ZFHX3: variants seen among roughly 807,000 people sequenced by gnomAD.
ZFHX3 encodes zinc finger homeobox 3, also known as zinc finger homeobox protein 3.
A neutral mutation model predicts 279.1 loss-of-function variants in ZFHX3; 42 were observed. That is an observed-to-expected ratio of 0.15 (90% CI 0.12 to 0.19). The LOEUF is 0.19. ZFHX3 is among the 10% of genes least tolerant of loss of function. The pLI, the probability that ZFHX3 is intolerant of heterozygous loss-of-function variation, is 1.00. For missense variants in ZFHX3, 4,981 were observed against 4,754.0 expected, an observed-to-expected ratio of 1.05 and a Z score of -1.40; for synonymous variants, 2,293 against 1,957.8, an observed-to-expected ratio of 1.17 and a Z score of -4.52.
At chr16:72,899,197 C>T (rs1210884762) in intron 3 of ZFHX3, among the ~76,000 whole-genome samples, 3 of 152,208 alleles carry the variant, frequency 2.0e-5, no homozygotes, top group South Asian at 4.1e-4. Context: ...GCTGTGTCCC[C>T]ACGCAAATCT....
intron 2 of ZFHX3, among the ~76,000 whole-genome samples, chr16:73,490,999 T>C (rs528020532): frequency 6.6e-6 from 1 of 152,366 alleles, no homozygotes; most frequent in African/African-American, 2.4e-5. Flanking sequence ...TTTTTATATA[T>C]GGTTGCCATA....
At chr16:72,988,982 C>G (rs1010147936) in intron 1 of ZFHX3, among the ~76,000 whole-genome samples, 5 of 151,990 alleles carry the variant, frequency 3.3e-5, no homozygotes, top group African/African-American at 4.8e-5. Context: ...TTGAGACCAG[C>G]CTGGACAACA....
At chr16:73,556,011 G>A (rs1198493841) in intron 2 of ZFHX3, among the ~76,000 whole-genome samples, 1 of 152,178 alleles carries the variant, frequency 6.6e-6, no homozygotes, top group African/African-American at 2.4e-5. Context: ...CAGACACAGT[G>A]TTTTCTGTGA....
In ZFHX3 at chr16:73,626,577, T is replaced by C. The variant is rs544508681; in HGVS notation, c.-1547+53603A>G. 2.5e-4 allele frequency among the ~76,000 whole-genome samples: 38 copies of C among 152,314 alleles called. No individual in the cohort carries two copies. The South Asian group carries it at 7.7e-3, about 31-fold the overall frequency. On this transcript the variant is annotated intron_variant, in intron 2 of 17. Transcript: ENST00000641206. ...AAGAACTCAGTGATGTGAGATGATA[T>C]CCACCTAGAAGACCTAGCCATAGGA...
chr16:73,065,208 G>T (rs1479087765), intron 8 of ZFHX3, among the ~76,000 whole-genome samples: 1 of 152,224 alleles, frequency 6.6e-6, no homozygotes, highest in Non-Finnish European at 1.5e-5. Flanking sequence ...TCCTGGGCCA[G>T]CGCCGGGAGA....
rs564339935 is a variant in ZFHX3 at position 73,412,027 on chromosome 16, C to T, written c.-1291+43976G>A. Among the ~76,000 whole-genome samples, 402 of 152,234 alleles carry T rather than the reference C, an allele frequency of 2.6e-3. 2 individuals carry two copies. The highest frequency in any genetic ancestry group is 4.6e-3 in the Non-Finnish European group (316 of 68,010). ...AGATAGGCAGTCTTCCAAAGACTTT[C>T]CAATAAAAATAAATATCAGCCAGGA... On this transcript the variant is annotated intron_variant, in intron 3 of 17. Transcript: ENST00000641206.
At chr16:73,215,403 G>C (rs979102596) in intron 5 of ZFHX3, among the ~76,000 whole-genome samples, 3 of 152,218 alleles carry the variant, frequency 2.0e-5, no homozygotes, top group Non-Finnish European at 4.4e-5. Flanking sequence ...CACAGCTGCA[G>C]TTTTGCCAAT....
intron 2 of ZFHX3, among the ~76,000 whole-genome samples, chr16:73,497,542 T>C (rs946004200): frequency 2.6e-5 from 4 of 152,170 alleles, no homozygotes; most frequent in South Asian, 4.1e-4. Context: ...TGGAAGCATA[T>C]GCCTGTAGTC....
chr16:73,426,621 G>A (rs547877126), intron 3 of ZFHX3, among the ~76,000 whole-genome samples: 64 of 152,088 alleles, frequency 4.2e-4, no homozygotes, highest in Non-Finnish European at 7.9e-4. Flanking sequence ...TCATGCGTAC[G>A]TGCACTGATG....
At chr16:73,051,979 G>T (rs1456378878), upstream of ZFHX3, among the ~76,000 whole-genome samples, 2 of 152,128 alleles carry the variant, frequency 1.3e-5, no homozygotes, top group Non-Finnish European at 2.9e-5. Flanking sequence ...ATCGCAATCT[G>T]GGTCCATACA....
chr16:73,187,927 C>T (rs556827915), intron 5 of ZFHX3, among the ~76,000 whole-genome samples: 4 of 151,226 alleles, frequency 2.6e-5, no homozygotes, highest in East Asian at 4.0e-4. Context: ...GGCGTGATCT[C>T]GGCTCACTGC....
At chr16:73,323,119 G>A (rs2015611810) in intron 3 of ZFHX3, among the ~76,000 whole-genome samples, 1 of 152,176 alleles carries the variant, frequency 6.6e-6, no homozygotes, top group Admixed American at 6.5e-5. Flanking sequence ...TTGGGAAGGA[G>A]AGCGATCATC....
chr16:73,510,523 A>C lies in ZFHX3; in HGVS notation c.-1546-54265T>G, dbSNP rs147744374. ...GGCTTCAACTAAACCATGAAATCTG[A>C]AGGATATAGACTGTTTTGTTCACTT... On this transcript the variant is annotated intron_variant, in intron 2 of 17. Transcript: ENST00000641206. 3.9e-3 allele frequency among the ~76,000 whole-genome samples: 599 copies of C among 152,314 alleles called. 8 individuals carry two copies. The highest frequency in any genetic ancestry group is 0.014 in the African/African-American group (582 of 41,560).
At chr16:72,872,928 T>C (rs576433342) in intron 4 of ZFHX3, among the ~76,000 whole-genome samples, 1 of 152,236 alleles carries the variant, frequency 6.6e-6, no homozygotes, top group South Asian at 2.1e-4. Context: ...GGCCTGCTCA[T>C]TGGCTCCCGA....
chr16:73,811,434 T>C (rs1225535686), intron 1 of ZFHX3, among the ~76,000 whole-genome samples: 1 of 148,364 alleles, frequency 6.7e-6, no homozygotes, highest in Admixed American at 6.7e-5. Context: ...CCCTTCAGTC[T>C]CTTCTTTTTT....
At chr16:73,445,652 G>GATTTGATC (rs1363712183) in intron 3 of ZFHX3, among the ~76,000 whole-genome samples, 1 of 152,104 alleles carries the variant, frequency 6.6e-6, no homozygotes, top group East Asian at 1.9e-4. Flanking sequence ...TGTTCCTCTG[G>GATTTGATC]ATTTGATCAC....
At chr16:72,976,629 T>G (rs943492088) in intron 1 of ZFHX3, among the ~76,000 whole-genome samples, 5 of 152,152 alleles carry the variant, frequency 3.3e-5, no homozygotes, top group African/African-American at 1.2e-4. Flanking sequence ...GACTCAGCAC[T>G]CCACGTGGCC....
rs376414532 is a variant in ZFHX3, at chr16:72,950,927, C to T, written c.2758G>A (p.Gly920Arg). Residue 920 changes from glycine to arginine, a missense_variant, in exon 3 of 10, where the codon GGG (glycine) becomes AGG (arginine). By Grantham distance (125) the Gly-to-Arg change is moderately radical. Transcript: ENST00000268489. ...EIPLDMRLGG[G>R]QLVSEELMNL... The stretch of plus-strand genomic sequence containing the variant: ...ATCAGCTCCTCTGACACCAGCTGCC[C>T]GCCCCCGAGCCGCATGTCTAGGGGG... 31 of 1,613,822 alleles carry T rather than the reference C, an allele frequency of 1.9e-5. No individual in the cohort carries two copies. Among genetic ancestry groups the T allele is most frequent in the African/African-American group, 2.7e-5 (2 of 74,894 alleles).
rs535615870 is a variant in ZFHX3, at chr16:73,712,789, G to A, written c.-1607-32549C>T. On this transcript the variant is annotated intron_variant, in intron 1 of 17. Transcript: ENST00000641206. Reference sequence around the variant, plus strand: ...TTCTTTGTTTTCACCGTAAGAGGGGGGATATATAATCTTGGCTGCCCAGAA... The same window carrying A: ...TTCTTTGTTTTCACCGTAAGAGGGGAGATATATAATCTTGGCTGCCCAGAA... 6.6e-5 allele frequency among the ~76,000 whole-genome samples: 10 copies of A among 152,282 alleles called. No individual in the cohort carries two copies. The East Asian group carries it at 1.9e-3, about 29-fold the overall frequency.
Sources: allele counts gnomAD v4.1 joint callset (sites outside exome capture counted in the v4.1 genomes callset), GRCh38; gene constraint gnomAD v4.1.1; transcripts MANE v1.5; gene names NCBI Gene and HGNC (gene_info 2026-07-23, HGNC 2026-07-21).